The following CCSER1 variants were observed in gnomAD, a reference collection of about 807,000 sequenced individuals.
The protein encoded by CCSER1 is serine-rich coiled-coil domain-containing protein 1.
Under a neutral mutation model 82.0 loss-of-function variants are expected in CCSER1, and 41 were observed. The observed-to-expected ratio is 0.50, with a 90% confidence interval of 0.39 to 0.65. CCSER1 has a LOEUF of 0.65. CCSER1 is among the 30% of genes least tolerant of loss of function. The pLI, the probability that CCSER1 is intolerant of heterozygous loss-of-function variation, is 0.00. For synonymous variants in CCSER1, 414 were observed against 383.9 expected, an observed-to-expected ratio of 1.08 and a Z score of -0.92; for missense variants, 1,119 against 1,064.2, an observed-to-expected ratio of 1.05 and a Z score of -0.72.
intron 4 of CCSER1, among the ~76,000 whole-genome samples, chr4:90,405,877 C>A (rs1035033185): frequency 2.6e-5 from 4 of 151,744 alleles, no homozygotes; most frequent in Admixed American, 2.6e-4. Flanking sequence ...AATCTTGAAA[C>A]AAATTTTCAA....
chr4:91,297,801 A>T (rs1744330048), intron 10 of CCSER1, among the ~76,000 whole-genome samples: 1 of 152,014 alleles, frequency 6.6e-6, no homozygotes, highest in Non-Finnish European at 1.5e-5. Flanking sequence ...TGTATAAAGG[A>T]AAAACCATTT....
chr4:90,612,881 G>A lies in CCSER1; in HGVS notation c.1725-15144G>A, dbSNP rs149253337. On this transcript the variant is annotated intron_variant, in intron 5 of 10. Coordinates refer to ENST00000509176, the MANE Select transcript of CCSER1 (RefSeq NM_001145065.2). ...ATTACCTAAGAAGGGTCAGAGTGGT[G>A]AGGGCCAGGGCATAGCATTGGTGTA... Among the ~76,000 whole-genome samples, 39 of 152,286 alleles carry A rather than the reference G, an allele frequency of 2.6e-4. No individual in the cohort carries two copies. The East Asian group carries it at 7.5e-3, about 29-fold the overall frequency.
chr4:90,309,184 T>C lies in CCSER1; in HGVS notation c.900T>C (p.Ser300=). The change falls in exon 2 of 11, where the codon TCT becomes TCC. Residue 300 remains serine, a synonymous_variant. Transcript: ENST00000509176. Reference sequence around the variant, plus strand: ...CTACCTCTCAGATGTCCCTCAATTCTGCTGCTGTTACAAAGACAACAACAG... The same window carrying C: ...CTACCTCTCAGATGTCCCTCAATTCCGCTGCTGTTACAAAGACAACAACAG... ...NDSTSQMSLN[S]AAVTKTTTEL... 6.2e-7 allele frequency: 1 copy of C among 1,613,978 alleles called. No individual in the cohort carries two copies. The highest frequency in any genetic ancestry group is 1.3e-5 in the African/African-American group (1 of 75,062).
At chr4:90,142,626 C>CTTT (rs35514100) in intron 1 of CCSER1, among the ~76,000 whole-genome samples, 2 of 145,512 alleles carry the variant, frequency 1.4e-5, no homozygotes, top group African/African-American at 2.5e-5. Flanking sequence ...TTATTTACCA[C>CTTT]TTTTTTTTTT....
intron 5 of CCSER1, among the ~76,000 whole-genome samples, chr4:90,577,440 C>T (rs1031874334): frequency 6.6e-6 from 1 of 152,006 alleles, no homozygotes; most frequent in Non-Finnish European, 1.5e-5. Context: ...TGCTTTTTGC[C>T]ACAGTAGTAG....
intron 8 of CCSER1, among the ~76,000 whole-genome samples, chr4:90,879,908 G>A (rs192460495): frequency 2.6e-5 from 4 of 152,266 alleles, no homozygotes; most frequent in Admixed American, 2.0e-4. Context: ...TTATTTTCTG[G>A]ATGTTTTCAC....
chr4:90,127,918 T>C (rs1302600037), intron 1 of CCSER1, 87 bp downstream of exon 1: 1 of 151,774 alleles, frequency 6.6e-6, no homozygotes, highest in Non-Finnish European at 1.5e-5. Flanking sequence ...GACGCGGGGA[T>C]GACCGCTCGG....
chr4:90,355,199 A>G (rs1330127613), intron 3 of CCSER1, among the ~76,000 whole-genome samples: 1 of 152,034 alleles, frequency 6.6e-6, no homozygotes, highest in Admixed American at 6.6e-5. Flanking sequence ...CATGCTATAA[A>G]TTGTTTCTTT....
chr4:90,231,435 A>C (rs574346787), intron 1 of CCSER1, among the ~76,000 whole-genome samples: 1 of 151,010 alleles, frequency 6.6e-6, no homozygotes, highest in African/African-American at 2.5e-5. Flanking sequence ...TTCATGCTAA[A>C]AACTCTCAAT....
chr4:91,450,375 T>C (rs77147788), intron 10 of CCSER1, among the ~76,000 whole-genome samples: 1 of 152,058 alleles, frequency 6.6e-6, no homozygotes, highest in Non-Finnish European at 1.5e-5. Flanking sequence ...CTTTATCAAC[T>C]ATAAAACCTT....
intron 7 of CCSER1, among the ~76,000 whole-genome samples, chr4:90,745,489 A>G (rs1274450326): frequency 6.6e-6 from 1 of 152,156 alleles, no homozygotes; most frequent in Non-Finnish European, 1.5e-5. Context: ...TGTCACAGTC[A>G]GTAATATCAC....
At chr4:90,524,293 G>T (rs1773481696) in intron 5 of CCSER1, among the ~76,000 whole-genome samples, 2 of 152,138 alleles carry the variant, frequency 1.3e-5, no homozygotes, top group African/African-American at 4.8e-5. Flanking sequence ...TTTTTGCAGG[G>T]AGATAAGACT....
At chr4:90,395,230 ATGT>A (rs779597925) in intron 3 of CCSER1, among the ~76,000 whole-genome samples, 2 of 152,160 alleles carry the variant, frequency 1.3e-5, no homozygotes, top group Admixed American at 1.3e-4. Flanking sequence ...ATGTTCATCC[ATGT>A]TGTTGTAAAT....
At chr4:91,016,569 T>G (rs906530747) in intron 9 of CCSER1, among the ~76,000 whole-genome samples, 3 of 152,040 alleles carry the variant, frequency 2.0e-5, no homozygotes, top group African/African-American at 7.2e-5. Flanking sequence ...AAAAATTAAT[T>G]TCTTCCTAAC....
chr4:90,643,434 T>G (rs1298826903), intron 6 of CCSER1, among the ~76,000 whole-genome samples: 2 of 152,142 alleles, frequency 1.3e-5, no homozygotes, highest in Non-Finnish European at 2.9e-5. Flanking sequence ...GAGCATTAGT[T>G]TTAGGAGCAA....
intron 6 of CCSER1, among the ~76,000 whole-genome samples, chr4:90,688,131 C>T (rs1402528731): frequency 6.6e-6 from 1 of 152,136 alleles, no homozygotes; most frequent in Non-Finnish European, 1.5e-5. Context: ...GTGTTTTCAA[C>T]TCTGGAGTCT....
intron 9 of CCSER1, among the ~76,000 whole-genome samples, chr4:91,069,278 A>G (rs1293355267): frequency 6.6e-6 from 1 of 152,208 alleles, no homozygotes; most frequent in Non-Finnish European, 1.5e-5. Context: ...AATTTTCCTG[A>G]AAAAGAAATG....
At chr4:91,144,620 C>G (rs996792700) in intron 10 of CCSER1, among the ~76,000 whole-genome samples, 5 of 148,420 alleles carry the variant, frequency 3.4e-5, no homozygotes, top group Non-Finnish European at 7.5e-5. Context: ...CCTCTTAAAG[C>G]TTTTTTTTAA....
At chr4:90,619,010 C>G (rs1448481290) in intron 5 of CCSER1, among the ~76,000 whole-genome samples, 1 of 151,636 alleles carries the variant, frequency 6.6e-6, no homozygotes, top group Non-Finnish European at 1.5e-5. Flanking sequence ...AATAAAAATA[C>G]TCATTATCTA....
Sources: gnomAD v4.1 joint callset for allele counts (sites outside exome capture counted in the v4.1 genomes callset) on GRCh38, gnomAD v4.1.1 for gene constraint, MANE v1.5 for transcripts, NCBI Gene and HGNC (gene_info 2026-07-23, HGNC 2026-07-21) for gene names.